FNIP1: variants seen among roughly 807,000 people sequenced by gnomAD.
FNIP1 encodes folliculin-interacting protein 1.
A neutral mutation model predicts 124.5 loss-of-function variants in FNIP1; 40 were observed. The observed-to-expected ratio is 0.32, with a 90% confidence interval of 0.25 to 0.42. The LOEUF (loss-of-function observed/expected upper bound fraction) is 0.42, where lower values mean the gene tolerates loss of function less well. Among genes scored for constraint, FNIP1 ranks in the 10% least tolerant of loss-of-function variants. The probability of loss-of-function intolerance (pLI) is 1.00; values close to 1 mark genes in which losing one functional copy is unlikely to be tolerated. For missense variants in FNIP1, 1,176 were observed against 1,403.7 expected, an observed-to-expected ratio of 0.84 and a Z score of 2.59; for synonymous variants, 472 against 470.6, an observed-to-expected ratio of 1.00 and a Z score of -0.04.
chr5:131,654,019 C>T (rs185832774), intron 15 of FNIP1, among the ~76,000 whole-genome samples: 89 of 152,334 alleles, frequency 5.8e-4, no homozygotes, highest in Middle Eastern at 3.4e-3. Flanking sequence ...GGATTACAGG[C>T]GTGAGCCACT....
At chr5:131,744,723 AT>A in intron 1 of FNIP1, 33 bp from the exon 2 acceptor site, 1 of 1,570,354 alleles carries the variant, frequency 6.4e-7, no homozygotes, top group Non-Finnish European at 8.6e-7. Flanking sequence ...GTAAAGATCC[AT>A]TAGAGTTACA....
chr5:131,758,107 G>C (rs1431694621), intron 1 of FNIP1, among the ~76,000 whole-genome samples: 2 of 152,264 alleles, frequency 1.3e-5, no homozygotes, highest in Non-Finnish European at 2.9e-5. Context: ...CCTAAAAGTT[G>C]CCTGACAAAT....
chr5:131,766,637 G>A (rs772998539), intron 1 of FNIP1, among the ~76,000 whole-genome samples: 3 of 152,164 alleles, frequency 2.0e-5, no homozygotes, highest in Non-Finnish European at 4.4e-5. Context: ...TCCCATGACA[G>A]GCCATCTGCA....
At chr5:131,790,871 C>A (rs990955699) in intron 1 of FNIP1, among the ~76,000 whole-genome samples, 3 of 152,098 alleles carry the variant, frequency 2.0e-5, no homozygotes, top group Admixed American at 2.0e-4. Flanking sequence ...ATCCCAGAAT[C>A]TAAAATAAAT....
Position 131,672,423 on chromosome 5 carries a change from A to G in FNIP1, c.2021T>C (p.Phe674Ser), listed in dbSNP as rs992660584. 2 of 1,613,922 alleles carry G rather than the reference A, an allele frequency of 1.2e-6. No individual in the cohort carries two copies. The highest frequency in any genetic ancestry group is 1.7e-6 in the Non-Finnish European group (2 of 1,180,020). The change falls in exon 14 of 18, where the codon TTT becomes TCT. Residue 674 changes from phenylalanine (F) to serine (S), a missense_variant. Phe to Ser is a radical substitution (Grantham distance 155, BLOSUM62 -2). This residue lies in a region of FNIP1 where 1,109 missense variants were observed against 1,288.5 expected (regional missense o/e 0.86). Coordinates refer to ENST00000510461, the MANE Select transcript of FNIP1 (RefSeq NM_133372.3). The stretch of plus-strand genomic sequence containing the variant: ...AACAACTGTCTCTAACTTGGCGTCA[A>G]AGCAAGTTCTTAATTTATCTCTGTA... Reference protein sequence around the residue: ...KQYRDKLRTCFDAKLETVVCT... With the variant: ...KQYRDKLRTCSDAKLETVVCT...
At chr5:131,694,683 T>G (rs1204394442) in intron 11 of FNIP1, among the ~76,000 whole-genome samples, 2 of 152,206 alleles carry the variant, frequency 1.3e-5, no homozygotes, top group African/African-American at 4.8e-5. Context: ...TATGACATCA[T>G]ACATTTAATA....
chr5:131,754,063 T>C (rs1201252576), intron 1 of FNIP1, among the ~76,000 whole-genome samples: 1 of 152,198 alleles, frequency 6.6e-6, no homozygotes, highest in African/African-American at 2.4e-5. Context: ...GTGCCTGCCT[T>C]GGTCTCCCAA....
At chr5:131,693,305 T>TATATATACATATATATATATAC (rs70974006) in intron 11 of FNIP1, among the ~76,000 whole-genome samples, 1 of 29,806 alleles carries the variant, frequency 3.4e-5, no homozygotes, top group African/African-American at 9.9e-5. Flanking sequence ...TACATATATA[T>TATATATACATATATATATATAC]ATATATATAT....
chr5:131,701,670 A>G (rs1367435614), intron 10 of FNIP1, among the ~76,000 whole-genome samples: 1 of 152,216 alleles, frequency 6.6e-6, no homozygotes, highest in Non-Finnish European at 1.5e-5. Flanking sequence ...CTAATGAGTT[A>G]TTGAGATACA....
chr5:131,720,970 AC>A (rs1436001129), intron 3 of FNIP1, among the ~76,000 whole-genome samples: 2 of 152,194 alleles, frequency 1.3e-5, no homozygotes, highest in Non-Finnish European at 2.9e-5. Context: ...TGGCAATTCC[AC>A]TTCTGGGCAT....
intron 15 of FNIP1, among the ~76,000 whole-genome samples, chr5:131,665,900 T>A (rs1025778621): frequency 7.6e-5 from 8 of 104,798 alleles, no homozygotes; most frequent in African/African-American, 2.4e-4. Context: ...AAAATAATAC[T>A]TTTTTTTTTT....
At chr5:131,722,810 C>T (rs1440013202) in intron 3 of FNIP1, among the ~76,000 whole-genome samples, 1 of 152,142 alleles carries the variant, frequency 6.6e-6, no homozygotes, top group Non-Finnish European at 1.5e-5. Context: ...CTCAGCATCC[C>T]GAGTAGCTGG....
chr5:131,659,561 G>A (rs1031784078), intron 15 of FNIP1, among the ~76,000 whole-genome samples: 2 of 152,216 alleles, frequency 1.3e-5, no homozygotes, highest in African/African-American at 4.8e-5. Flanking sequence ...GAGGTAGTTA[G>A]TAAGGTCCCG....
chr5:131,682,005 T>G (rs1275843112), intron 11 of FNIP1, among the ~76,000 whole-genome samples: 1 of 152,108 alleles, frequency 6.6e-6, no homozygotes, highest in African/African-American at 2.4e-5. Context: ...CAAGAAATAA[T>G]AGTTAAAAAG....
intron 10 of FNIP1, among the ~76,000 whole-genome samples, chr5:131,703,267 A>G (rs771389192): frequency 2.0e-5 from 3 of 152,200 alleles, no homozygotes; most frequent in Non-Finnish European, 4.4e-5. Flanking sequence ...TGGTTTGCGT[A>G]TTCATCATCT....
At chr5:131,705,326 T>C (rs1769068087) in intron 9 of FNIP1, among the ~76,000 whole-genome samples, 1 of 150,036 alleles carries the variant, frequency 6.7e-6, no homozygotes, top group Non-Finnish European at 1.5e-5. Flanking sequence ...AAAAAAAAAA[T>C]TAGCCAGGTG....
chr5:131,646,501 A>G (rs3756289), intron 17 of FNIP1, among the ~76,000 whole-genome samples: 97,531 of 152,070 alleles, frequency 0.64, 33,157 homozygotes, highest in Non-Finnish European at 0.77. Flanking sequence ...TGGCATTTCA[A>G]GAAATAATTC....
intron 1 of FNIP1, among the ~76,000 whole-genome samples, chr5:131,763,656 C>T (rs901902407): frequency 6.6e-6 from 1 of 152,140 alleles, no homozygotes; most frequent in African/African-American, 2.4e-5. Flanking sequence ...CAAGCCCTAC[C>T]TCCAACACTG....
intron 11 of FNIP1, among the ~76,000 whole-genome samples, chr5:131,688,267 C>A (rs1245032100): frequency 3.4e-5 from 5 of 147,482 alleles, no homozygotes; most frequent in Admixed American, 6.8e-5. Context: ...TTGGGGAAAA[C>A]CAAAGAAAGA....
Sources: allele counts gnomAD v4.1 joint callset (sites outside exome capture counted in the v4.1 genomes callset), GRCh38; gene constraint gnomAD v4.1.1; regional missense constraint gnomAD v4.1.1; transcripts MANE v1.5; gene names NCBI Gene and HGNC (gene_info 2026-07-23, HGNC 2026-07-21).